AHCYL2: variants seen among roughly 807,000 people sequenced by gnomAD.
The protein encoded by AHCYL2 is adenosylhomocysteinase like 2, also known as S-adenosylhomocysteine hydrolase-like protein 2.
A neutral mutation model predicts 81.4 loss-of-function variants in AHCYL2; 28 were observed. That is an observed-to-expected ratio of 0.34 (90% confidence interval 0.25 to 0.47). The LOEUF (loss-of-function observed/expected upper bound fraction) is 0.47. Ranked by LOEUF, AHCYL2 falls within the 20% of genes least tolerant of loss-of-function variation. AHCYL2 has a pLI of 1.00. For synonymous variants in AHCYL2, 272 were observed against 290.2 expected (o/e 0.94, Z 0.64); for missense variants, 551 against 785.1 (o/e 0.70, Z 3.56).
At chr7:129,350,845 A>G (rs1170855064) in intron 1 of AHCYL2, among the ~76,000 whole-genome samples, 2 of 149,648 alleles carry the variant, frequency 1.3e-5, no homozygotes, top group Non-Finnish European at 3.0e-5. Context: ...CTGGGATTAG[A>G]GGCTCCCGCC....
At chr7:129,377,235 A>G (rs552766971) in intron 1 of AHCYL2, among the ~76,000 whole-genome samples, 9 of 152,342 alleles carry the variant, frequency 5.9e-5, no homozygotes, top group African/African-American at 2.2e-4. Context: ...AATGCAATAC[A>G]TGAAAGTTCA....
intron 1 of AHCYL2, among the ~76,000 whole-genome samples, chr7:129,364,128 A>G (rs998860493): frequency 2.6e-5 from 4 of 151,938 alleles, no homozygotes; most frequent in African/African-American, 9.7e-5. Flanking sequence ...AGTCTCAGCT[A>G]CTCAGGAGGT....
At position 129,262,038 on chromosome 7, in the gene AHCYL2, A is replaced by G. The variant is rs560936161; in HGVS notation, c.363+36599A>G. On this transcript the variant is annotated intron_variant, in intron 1 of 16. Transcript: ENST00000325006. ...CATATTTTTGCATATAACATCACTG[A>G]AAAAAGACTATATGTTTGCACTTTT... Among the ~76,000 whole-genome samples, 7 of 152,160 alleles carry G rather than the reference A, an allele frequency of 4.6e-5. No individual in the cohort carries two copies. The East Asian group carries it at 1.3e-3, about 29-fold the overall frequency.
At chr7:129,280,867 C>CTT (rs756254951) in intron 1 of AHCYL2, among the ~76,000 whole-genome samples, 13 of 138,524 alleles carry the variant, frequency 9.4e-5, no homozygotes, top group African/African-American at 1.9e-4. Context: ...TACATTGATT[C>CTT]TTTTTTTTTT....
intron 1 of AHCYL2, among the ~76,000 whole-genome samples, chr7:129,345,855 G>A (rs545154938): frequency 7.9e-5 from 12 of 152,234 alleles, no homozygotes; most frequent in African/African-American, 2.9e-4. Flanking sequence ...ATTGACATAG[G>A]TAATCCTAGA....
At chr7:129,332,691 AT>A (rs1265572067) in intron 1 of AHCYL2, among the ~76,000 whole-genome samples, 1 of 152,150 alleles carries the variant, frequency 6.6e-6, no homozygotes, top group Non-Finnish European at 1.5e-5. Context: ...GATGAACATA[AT>A]TTGAGCCGAT....
chr7:129,332,760 C>T (rs1308230634), intron 1 of AHCYL2, among the ~76,000 whole-genome samples: 1 of 152,164 alleles, frequency 6.6e-6, no homozygotes, highest in African/African-American at 2.4e-5. Flanking sequence ...GCCATGTAAA[C>T]CAAATAAAGC....
chr7:129,369,602 G>C (rs898626639), intron 1 of AHCYL2, among the ~76,000 whole-genome samples: 15 of 149,678 alleles, frequency 1.0e-4, no homozygotes, highest in Admixed American at 9.4e-4. Flanking sequence ...GTCCAGGCTG[G>C]AGTGCAGTGG....
intron 1 of AHCYL2, among the ~76,000 whole-genome samples, chr7:129,363,340 C>A (rs954872861): frequency 6.6e-6 from 1 of 152,120 alleles, no homozygotes; most frequent in African/African-American, 2.4e-5. Context: ...ATACCTTATG[C>A]CTTACACAGT....
chr7:129,379,342 A>T (rs569040612), intron 1 of AHCYL2, among the ~76,000 whole-genome samples: 1 of 152,142 alleles, frequency 6.6e-6, no homozygotes, highest in South Asian at 2.1e-4. Flanking sequence ...TAGGTAAAGA[A>T]TGAGACATTG....
chr7:129,406,524 C>G lies in AHCYL2; in HGVS notation c.1295+58C>G, dbSNP rs1796315730. The G allele has an allele frequency of 1.3e-6, 2 of 1,499,264 alleles. No individual in the cohort carries two copies. The highest frequency in any genetic ancestry group is 1.9e-6 in the Non-Finnish European group (2 of 1,075,450). 92.9% of individuals were successfully genotyped at this position (1,499,264 alleles called of 1,614,324 possible). On this transcript the variant is annotated intron_variant, in intron 10 of 16. Transcript: ENST00000325006. The surrounding 1 kb of genome is among the most constrained non-coding windows in gnomAD (Gnocchi z 4.3). ...CTCGGAGCTGTCTCCAAAGAATGGC[C>G]TGGTTGATGCCACACTTTATTTTAG... is the stretch of plus-strand genomic sequence containing the variant.
intron 1 of AHCYL2, 42 bp from the exon 2 acceptor site, chr7:129,379,596 G>A: frequency 6.7e-7 from 1 of 1,491,330 alleles, no homozygotes; most frequent in Non-Finnish European, 9.2e-7. Flanking sequence ...GTCTCAAAAT[G>A]GAGGTTCTTT....
intron 1 of AHCYL2, among the ~76,000 whole-genome samples, chr7:129,243,828 C>T (rs1409360814): frequency 6.6e-6 from 1 of 151,274 alleles, no homozygotes; most frequent in East Asian, 1.9e-4. Flanking sequence ...CTCCTGGCCT[C>T]GTGATCCACC....
intron 1 of AHCYL2, among the ~76,000 whole-genome samples, chr7:129,336,731 C>A (rs569493992): frequency 4.3e-4 from 66 of 152,170 alleles, no homozygotes; most frequent in African/African-American, 1.5e-3. Context: ...TAATTCAAGA[C>A]ATAGTAAAAC....
chr7:129,428,536 G>GGTTT lies in AHCYL2; in HGVS notation c.*1500_*1503dup, dbSNP rs1797452407. 6.6e-6 allele frequency: 1 copy of GGTTT among 152,128 alleles called. No individual in the cohort carries two copies. Among genetic ancestry groups the GGTTT allele is most frequent in the African/African-American group, 2.4e-5 (1 of 41,406 alleles). 9.4% of individuals were successfully genotyped at this position (152,128 alleles called of 1,614,324 possible). A position where few individuals can be genotyped will look rare whatever the true frequency, so the allele number is the denominator to read the frequency against. On this transcript the variant is annotated 3_prime_UTR_variant, in exon 17 of 17. Coordinates refer to ENST00000325006, the MANE Select transcript of AHCYL2 (RefSeq NM_015328.4). ...TTACCGATCCTTTTTAACACTCTCA[G>GGTTT]GTTTGTTTGTTTCCCACTTTTTTCC...
At chr7:129,317,396 A>G (rs902715357) in intron 1 of AHCYL2, among the ~76,000 whole-genome samples, 2 of 152,188 alleles carry the variant, frequency 1.3e-5, no homozygotes, top group African/African-American at 2.4e-5. Flanking sequence ...TTGAACCACA[A>G]ACAATCAATT....
At chr7:129,313,839 T>G (rs138041660) in intron 1 of AHCYL2, among the ~76,000 whole-genome samples, 2 of 152,370 alleles carry the variant, frequency 1.3e-5, no homozygotes, top group African/African-American at 4.8e-5. Context: ...GATGCCAGTT[T>G]AATTGGTAAC....
intron 2 of AHCYL2, among the ~76,000 whole-genome samples, chr7:129,380,455 A>G (rs1794904983): frequency 2.0e-5 from 3 of 152,190 alleles, no homozygotes; most frequent in Admixed American, 6.5e-5. Flanking sequence ...TGCTTGCCCT[A>G]GTTACCTCTT....
chr7:129,370,511 A>T (rs1357364922), intron 1 of AHCYL2, among the ~76,000 whole-genome samples: 1 of 152,146 alleles, frequency 6.6e-6, no homozygotes, highest in Non-Finnish European at 1.5e-5. Context: ...ATCCTGGCTA[A>T]CACAGTGAAA....
Sources: allele counts gnomAD v4.1 joint callset (sites outside exome capture counted in the v4.1 genomes callset), GRCh38; gene constraint gnomAD v4.1.1; non-coding constraint Gnocchi (gnomAD v3.1); transcripts MANE v1.5; gene names NCBI Gene and HGNC (gene_info 2026-07-23, HGNC 2026-07-21).